Variants in CLIP2 observed in about 807,000 individuals in gnomAD.
CLIP2 encodes the protein CAP-Gly domain containing linker protein 2.
CLIP2 carries 41 observed loss-of-function variants against 111.7 expected under a neutral mutation model. The observed-to-expected ratio is 0.37, with a 90% CI of 0.29 to 0.48. The LOEUF (loss-of-function observed/expected upper bound fraction) is 0.48, where lower values mean the gene tolerates loss of function less well. CLIP2 is among the 20% of genes least tolerant of loss of function. CLIP2 has a pLI of 0.99. For missense variants in CLIP2, 1,160 were observed against 1,422.1 expected (o/e 0.82, Z 2.96); for synonymous variants, 660 against 644.2 (o/e 1.02, Z -0.37).
intron 16 of CLIP2, among the ~76,000 whole-genome samples, chr7:74,401,922 G>A (rs1264453590): frequency 2.0e-5 from 3 of 151,144 alleles, no homozygotes; most frequent in Non-Finnish European, 2.9e-5. Flanking sequence ...AAAATTAGCC[G>A]GGTAGGGTGG....
chr7:74,373,124 T>A, intron 9 of CLIP2, 88 bp downstream of exon 9: 2 of 710,586 alleles, frequency 2.8e-6, no homozygotes, highest in South Asian at 3.5e-5. Context: ...ATTGACTCTC[T>A]TTCTTTAGCT....
At chr7:74,298,102 T>C (rs1788224552) in intron 1 of CLIP2, among the ~76,000 whole-genome samples, 1 of 151,984 alleles carries the variant, frequency 6.6e-6, no homozygotes, top group South Asian at 2.1e-4. Context: ...CTCAGCGCTT[T>C]GGGAGGCCGA....
At chr7:74,392,127 A>G (rs962377870) in intron 13 of CLIP2, among the ~76,000 whole-genome samples, 1 of 151,860 alleles carries the variant, frequency 6.6e-6, no homozygotes, top group Non-Finnish European at 1.5e-5. Context: ...CGAGGCAGGC[A>G]GATCACGAGG....
rs1554732837 is a variant in CLIP2, at chr7:74,338,988, T to C, written c.662T>C (p.Leu221Pro). 1 of 1,597,824 alleles carries C rather than the reference T, an allele frequency of 6.3e-7. No homozygotes were observed. Among genetic ancestry groups the C allele is most frequent in the Non-Finnish European group, 8.5e-7 (1 of 1,179,252 alleles). Residue 221 changes from leucine (L) to proline (P), a missense_variant, in exon 3 of 17, where the codon CTG becomes CCG. Physicochemically the swap from Leu to Pro is moderately conservative, Grantham distance 98 (BLOSUM62 -3). Around this residue, in one of 5 missense-constraint regions of CLIP2, gnomAD observed 301 missense variants for 315.2 expected, o/e 0.96. Transcript: ENST00000223398. This position sits in a 1 kb window ranked among gnomAD's most constrained non-coding sequence, Gnocchi z 4.3. ...SVKRGEKDLR[L>P]GDRVLVGGTK... ...AAGCGGGGCGAAAAGGACCTGCGCC[T>C]GGGGGACCGCGTGCTGGTGAGTGCG... is the stretch of plus-strand genomic sequence containing the variant.
intron 2 of CLIP2, among the ~76,000 whole-genome samples, chr7:74,320,195 CAAAAAA>C (rs34079690): frequency 2.0e-5 from 2 of 99,276 alleles, no homozygotes; most frequent in Admixed American, 1.1e-4. Context: ...GATTCCATCT[CAAAAAA>C]AAAAAAAAAA....
At chr7:74,319,690 G>A (rs1050268347) in intron 2 of CLIP2, among the ~76,000 whole-genome samples, 39 of 151,914 alleles carry the variant, frequency 2.6e-4, no homozygotes, top group African/African-American at 8.7e-4. Flanking sequence ...GCATGGTAGT[G>A]TGTGCCTGTA....
At chr7:74,340,013 G>C (rs1319308632) in intron 3 of CLIP2, among the ~76,000 whole-genome samples, 1 of 152,148 alleles carries the variant, frequency 6.6e-6, no homozygotes, top group Non-Finnish European at 1.5e-5. Flanking sequence ...AGGATGGCTT[G>C]ATCCTGGGAG....
chr7:74,374,935 T>G (rs1327700345), intron 9 of CLIP2, among the ~76,000 whole-genome samples: 1 of 152,180 alleles, frequency 6.6e-6, no homozygotes, highest in African/African-American at 2.4e-5. Context: ...CTCTTCTGCT[T>G]TAAGCATTAA....
chr7:74,291,986 G>A (rs531808821), intron 1 of CLIP2, among the ~76,000 whole-genome samples: 11 of 150,554 alleles, frequency 7.3e-5, no homozygotes, highest in Admixed American at 2.7e-4. Context: ...GTGCAATGGC[G>A]CGATCTTGGC....
intron 2 of CLIP2, among the ~76,000 whole-genome samples, chr7:74,335,521 A>T (rs140694451): frequency 4.4e-5 from 4 of 90,764 alleles, no homozygotes; most frequent in Non-Finnish European, 5.5e-5. Context: ...ATTTATTTAT[A>T]AGAGATGGGG....
chr7:74,335,835 C>G (rs1389505223), intron 2 of CLIP2, among the ~76,000 whole-genome samples: 1 of 151,168 alleles, frequency 6.6e-6, no homozygotes, highest in South Asian at 2.1e-4. Context: ...CTCCGACTTC[C>G]GGGTTCATGC....
At chr7:74,366,508 C>T (rs1231554274) in intron 8 of CLIP2, among the ~76,000 whole-genome samples, 2 of 152,240 alleles carry the variant, frequency 1.3e-5, no homozygotes, top group African/African-American at 4.8e-5. Context: ...TTTCCTGGGG[C>T]TGCAATAATG....
chr7:74,357,647 C>T (rs1301296345), intron 6 of CLIP2, among the ~76,000 whole-genome samples, 170 bp downstream of exon 6: 1 of 152,214 alleles, frequency 6.6e-6, no homozygotes, highest in Non-Finnish European at 1.5e-5. Context: ...TGGTGAATTT[C>T]CTTCCAGTCT....
rs190400299 is a variant in CLIP2 at position 74,383,914 on chromosome 7, G to C, written c.2480-2607G>C. On this transcript the variant is annotated intron_variant, in intron 11 of 16. Coordinates refer to ENST00000223398, the MANE Select transcript of CLIP2 (RefSeq NM_003388.5). ...GCTTCTCCATCCTCCTCTCCCCCCA[G>C]CCCATCACAACCACTAATTTACTTT... 7.2e-5 allele frequency among the ~76,000 whole-genome samples: 11 copies of C among 152,196 alleles called. No homozygotes were observed. In the East Asian group the frequency reaches 2.1e-3, roughly 29 times the overall value.
intron 3 of CLIP2, among the ~76,000 whole-genome samples, chr7:74,349,766 AC>A (rs1266561910): frequency 4.6e-5 from 7 of 151,414 alleles, no homozygotes; most frequent in African/African-American, 4.8e-5. Context: ...GGCGTGCACC[AC>A]CACGCCCCGC....
At chr7:74,297,304 G>A (rs1252150280) in intron 1 of CLIP2, among the ~76,000 whole-genome samples, 1 of 151,928 alleles carries the variant, frequency 6.6e-6, no homozygotes. Context: ...AAGGGCCCAT[G>A]TCTACAAAAA....
chr7:74,374,485 T>G (rs576014273), intron 9 of CLIP2, among the ~76,000 whole-genome samples: 97 of 152,264 alleles, frequency 6.4e-4, no homozygotes, highest in African/African-American at 2.3e-3. Flanking sequence ...CCAAGGTTGG[T>G]GAATCATCTG....
intron 1 of CLIP2, among the ~76,000 whole-genome samples, chr7:74,304,728 A>AGTCTT (rs1235453599): frequency 6.6e-6 from 1 of 151,872 alleles, no homozygotes; most frequent in East Asian, 1.9e-4. Flanking sequence ...CTGAGCCAAG[A>AGTCTT]GAATCACTTG....
chr7:74,392,605 T>C (rs1408643300), intron 13 of CLIP2, among the ~76,000 whole-genome samples: 2 of 151,944 alleles, frequency 1.3e-5, no homozygotes, highest in African/African-American at 4.8e-5. Flanking sequence ...GGCAGGTAGA[T>C]CACCTGAGGT....
Sources: allele counts gnomAD v4.1 joint callset (sites outside exome capture counted in the v4.1 genomes callset), GRCh38; gene constraint gnomAD v4.1.1; regional missense constraint gnomAD v4.1.1; non-coding constraint Gnocchi (gnomAD v3.1); transcripts MANE v1.5; gene names NCBI Gene and HGNC (gene_info 2026-07-23, HGNC 2026-07-21).